Variants in BTG4 observed in about 807,000 individuals in gnomAD.
BTG4 encodes the protein protein BTG4.
Under a neutral mutation model 19.3 loss-of-function variants are expected in BTG4, and 10 were observed. That is an observed-to-expected ratio of 0.52 (90% confidence interval 0.32 to 0.88). The LOEUF (loss-of-function observed/expected upper bound fraction) is 0.88. Among genes scored for constraint, BTG4 ranks in the 40% least tolerant of loss-of-function variants. The pLI, the probability that BTG4 is intolerant of heterozygous loss-of-function variation, is 0.04. For missense variants in BTG4, 238 were observed against 281.9 expected (o/e 0.84, Z 1.11); for synonymous variants, 91 against 95.7 (o/e 0.95, Z 0.29).
At chr11:111,437,006 A>T in the BTG4 span, among the ~76,000 whole-genome samples, 1 of 152,210 alleles carries the variant, frequency 6.6e-6, no homozygotes, top group Non-Finnish European at 1.5e-5. Flanking sequence ...GCAGGTGAAC[A>T]GCCCTGTCTG....
intron 5 of BTG4, among the ~76,000 whole-genome samples, chr11:111,480,654 G>A (rs1355469664): frequency 4.0e-5 from 6 of 151,402 alleles, no homozygotes; most frequent in Non-Finnish European, 5.9e-5. Context: ...AACAAAAACC[G>A]GTAAATCTCC....
At chr11:111,460,143 A>G in the BTG4 span, 1 of 152,588 alleles carries the variant, frequency 6.6e-6, no homozygotes, top group Non-Finnish European at 1.5e-5. Context: ...CCTTTTTGCC[A>G]GAAAAAGGAC....
the BTG4 span, among the ~76,000 whole-genome samples, chr11:111,421,600 A>T: frequency 6.6e-6 from 1 of 152,180 alleles, no homozygotes; most frequent in Non-Finnish European, 1.5e-5. Flanking sequence ...CCCCAGCAAC[A>T]CTATAAACTA....
the BTG4 span, chr11:111,416,132 T>C: frequency 6.6e-6 from 1 of 152,106 alleles, no homozygotes; most frequent in Non-Finnish European, 1.5e-5. Flanking sequence ...CAGCCTAAGG[T>C]GTCTTTAGCT....
the BTG4 span, chr11:111,400,895 A>T: frequency 6.6e-6 from 1 of 152,022 alleles, no homozygotes; most frequent in Admixed American, 6.5e-5. Context: ...ACAACACCAA[A>T]CAAACCCAAA....
In BTG4 at chr11:111,485,071, T is replaced by A. The variant is rs534854393; in HGVS notation, c.662+10092A>T. On this transcript the variant is annotated intron_variant, in intron 5 of 5. Coordinates refer to the BTG4 transcript ENST00000356018. Reference sequence around the variant, plus strand: ...ATTCAACAAAAGCATATAACAATTATAAATATATATGTACCCAACACTGGA... The same window carrying A: ...ATTCAACAAAAGCATATAACAATTAAAAATATATATGTACCCAACACTGGA... 1.7e-3 allele frequency among the ~76,000 whole-genome samples: 259 copies of A among 152,240 alleles called. 1 individual carries two copies. Among genetic ancestry groups the A allele is most frequent in the African/African-American group, 5.9e-3 (245 of 41,544 alleles).
the BTG4 span, chr11:111,401,051 C>CAAAAA: frequency 1.0e-4 from 1 of 9,836 alleles, no homozygotes; most frequent in African/African-American, 3.8e-4. Flanking sequence ...GAACCTGGAG[C>CAAAAA]ATAAAAAAAA....
the BTG4 span, among the ~76,000 whole-genome samples, chr11:111,451,716 A>G: frequency 6.6e-6 from 1 of 152,158 alleles, no homozygotes; most frequent in Non-Finnish European, 1.5e-5. Flanking sequence ...GTGAGCCGAG[A>G]TCGTGCCACT....
chr11:111,457,669 G>A, the BTG4 span, among the ~76,000 whole-genome samples: 2 of 151,830 alleles, frequency 1.3e-5, no homozygotes, highest in African/African-American at 4.8e-5. Flanking sequence ...AACCAAAAAG[G>A]ACCATTTCTC....
At chr11:111,472,927 T>C (rs1343534837) in intron 5 of BTG4, among the ~76,000 whole-genome samples, 1 of 152,182 alleles carries the variant, frequency 6.6e-6, no homozygotes, top group Non-Finnish European at 1.5e-5. Flanking sequence ...ATAAGACAGA[T>C]AATAGCAAAC....
At chr11:111,388,814 T>A in the BTG4 span, among the ~76,000 whole-genome samples, 1 of 152,210 alleles carries the variant, frequency 6.6e-6, no homozygotes, top group African/African-American at 2.4e-5. Flanking sequence ...TACTGACCAA[T>A]GCCCTGTTCC....
At chr11:111,494,680 C>G (rs1012465903), downstream of BTG4, among the ~76,000 whole-genome samples, 1 of 152,128 alleles carries the variant, frequency 6.6e-6, no homozygotes, top group Non-Finnish European at 1.5e-5. Flanking sequence ...AATCCCAACA[C>G]TTTGGGAGGC....
chr11:111,509,388 C>T (rs538673457), intron 1 of BTG4, among the ~76,000 whole-genome samples: 1 of 151,928 alleles, frequency 6.6e-6, no homozygotes, highest in Non-Finnish European at 1.5e-5. Flanking sequence ...AGTAAATATG[C>T]ATTTAAAAAA....
the BTG4 span, among the ~76,000 whole-genome samples, chr11:111,392,822 G>A: frequency 5.3e-5 from 8 of 152,108 alleles, no homozygotes; most frequent in African/African-American, 1.9e-4. Flanking sequence ...TGATCCTGCC[G>A]CCACCAACCT....
chr11:111,485,175 G>A lies in BTG4; in HGVS notation c.662+9988C>T, dbSNP rs113369354. Among the ~76,000 whole-genome samples the A allele has an allele frequency of 5.9e-5, 9 of 151,952 alleles. No individual in the cohort carries two copies. The East Asian group carries it at 1.6e-3, about 26-fold the overall frequency. ...ATACAATATCTGGGAATTTCAACAC[G>A]CCACTTTCAGTATTGGACAGATGAC... On this transcript the variant is annotated intron_variant, in intron 5 of 5. Transcript: ENST00000356018.
chr11:111,461,536 C>G, the BTG4 span, among the ~76,000 whole-genome samples: 1 of 152,190 alleles, frequency 6.6e-6, no homozygotes, highest in South Asian at 2.1e-4. Flanking sequence ...GCCTGGCCAA[C>G]ACGGTGAAAC....
At chr11:111,500,577 G>A (rs922834415) in intron 1 of BTG4, among the ~76,000 whole-genome samples, 3 of 152,100 alleles carry the variant, frequency 2.0e-5, no homozygotes, top group African/African-American at 4.8e-5. Context: ...TTCTCTTTGT[G>A]GAGCCTAAAT....
the BTG4 span, chr11:111,462,038 G>A: frequency 3.3e-5 from 5 of 152,692 alleles, no homozygotes; most frequent in African/African-American, 1.2e-4. Flanking sequence ...CAGCAGGTGA[G>A]GCCCAGAGGC....
At chr11:111,398,060 A>T in the BTG4 span, 1 of 152,180 alleles carries the variant, frequency 6.6e-6, no homozygotes, top group East Asian at 1.9e-4. Flanking sequence ...CATGAGTGGA[A>T]AGAAGAGGGT....
Sources: gnomAD v4.1 joint callset for allele counts (sites outside exome capture counted in the v4.1 genomes callset) on GRCh38, gnomAD v4.1.1 for gene constraint, MANE v1.5 for transcripts, NCBI Gene and HGNC (gene_info 2026-07-23, HGNC 2026-07-21) for gene names.